Variants in ELAVL2 observed in about 807,000 individuals in gnomAD.
The protein encoded by ELAVL2 is ELAV-like protein 2.
Under a neutral mutation model 34.6 loss-of-function variants are expected in ELAVL2, and 4 were observed. The ratio of observed to expected loss-of-function variants is 0.12; its 90% CI spans 0.06 to 0.26. The LOEUF is 0.26. Ranked by LOEUF, ELAVL2 falls within the 10% of genes least tolerant of loss-of-function variation. The probability of loss-of-function intolerance (pLI) is 1.00; values close to 1 mark genes in which losing one functional copy is unlikely to be tolerated. For synonymous variants in ELAVL2, 193 were observed against 154.8 expected (o/e 1.25, Z -1.83); for missense variants, 432 against 442.8 (o/e 0.98, Z 0.22).
chr9:23,711,645 C>A (rs1174294335), intron 3 of ELAVL2, among the ~76,000 whole-genome samples: 1 of 152,188 alleles, frequency 6.6e-6, no homozygotes, highest in Non-Finnish European at 1.5e-5. Context: ...TCAGTCCTCT[C>A]CACTACAGTC....
chr9:23,696,530 G>T (rs1265149536), intron 5 of ELAVL2, among the ~76,000 whole-genome samples: 1 of 152,146 alleles, frequency 6.6e-6, no homozygotes, highest in African/African-American at 2.4e-5. Context: ...GTGCAGTGGC[G>T]TGATCTCGGC....
chr9:23,743,571 T>A (rs2049799748), intron 2 of ELAVL2, among the ~76,000 whole-genome samples: 1 of 152,138 alleles, frequency 6.6e-6, no homozygotes, highest in African/African-American at 2.4e-5. Flanking sequence ...TTAAAGTATA[T>A]TAAAAACGAA....
chr9:23,850,448 C>T, the ELAVL2 span, among the ~76,000 whole-genome samples: 1 of 152,244 alleles, frequency 6.6e-6, no homozygotes, highest in South Asian at 2.1e-4. Flanking sequence ...GCAGCCGAGG[C>T]TCCCGCGAGC....
intron 3 of ELAVL2, among the ~76,000 whole-genome samples, chr9:23,727,495 G>C (rs2045519362): frequency 6.6e-6 from 1 of 152,024 alleles, no homozygotes; most frequent in South Asian, 2.1e-4. Context: ...AAGACAAACT[G>C]AACTTTGCAC....
At chr9:23,778,840 C>T (rs191685775) in intron 1 of ELAVL2, among the ~76,000 whole-genome samples, 1 of 152,092 alleles carries the variant, frequency 6.6e-6, no homozygotes, top group Non-Finnish European at 1.5e-5. Context: ...ATATGACTGC[C>T]ACAGACATTC....
Position 23,701,858 on chromosome 9 carries a change from T to C in ELAVL2, c.488-254A>G, listed in dbSNP as rs149230514. 1.0e-3 allele frequency among the ~76,000 whole-genome samples: 154 copies of C among 152,280 alleles called. No homozygotes were observed. The Middle Eastern group carries it at 0.014, about 13-fold the overall frequency. ...GTACCCATTATCACATGCATTCCAA[T>C]CAGCTAAGACAAGAAAACACAAGCA... is the stretch of plus-strand genomic sequence containing the variant. On this transcript the variant is annotated intron_variant, in intron 4 of 6. Transcript: ENST00000397312.
chr9:23,696,365 G>A (rs771568473), intron 5 of ELAVL2, among the ~76,000 whole-genome samples: 47 of 152,194 alleles, frequency 3.1e-4, no homozygotes, highest in Non-Finnish European at 4.8e-4. Flanking sequence ...AACACAGGCA[G>A]TTGTAAGAGA....
At chr9:23,732,699 G>C (rs762854956) in intron 2 of ELAVL2, among the ~76,000 whole-genome samples, 1 of 152,170 alleles carries the variant, frequency 6.6e-6, no homozygotes, top group Non-Finnish European at 1.5e-5. Flanking sequence ...GCTTATAGTG[G>C]AAAGACAGAC....
chr9:23,723,464 GA>G (rs1196413074), intron 3 of ELAVL2, among the ~76,000 whole-genome samples: 2 of 151,870 alleles, frequency 1.3e-5, no homozygotes, highest in African/African-American at 4.8e-5. Context: ...ACCTAATGCT[GA>G]ATGACCAGTT....
intron 1 of ELAVL2, among the ~76,000 whole-genome samples, chr9:23,786,907 C>A (rs1018568390): frequency 1.3e-5 from 2 of 151,902 alleles, no homozygotes; most frequent in African/African-American, 4.8e-5. Context: ...AGTTCTGATG[C>A]TGTTTCTCTA....
intron 2 of ELAVL2, among the ~76,000 whole-genome samples, chr9:23,759,780 A>ATATATG (rs2054519152): frequency 7.2e-6 from 1 of 138,880 alleles, no homozygotes; most frequent in Non-Finnish European, 1.6e-5. Context: ...ATATATATAT[A>ATATATG]TATATATATA....
intron 2 of ELAVL2, among the ~76,000 whole-genome samples, chr9:23,732,095 A>G (rs1368706747): frequency 6.6e-6 from 1 of 152,228 alleles, no homozygotes; most frequent in East Asian, 1.9e-4. Flanking sequence ...AGTTTAGTCT[A>G]CAAAAGTCAA....
chr9:23,801,156 T>A (rs866802421), intron 1 of ELAVL2, among the ~76,000 whole-genome samples: 3 of 152,192 alleles, frequency 2.0e-5, no homozygotes, highest in Non-Finnish European at 4.4e-5. Flanking sequence ...TGTTTGGAAG[T>A]AGGTACACGC....
At chr9:23,827,528 T>A (rs2065360903), upstream of ELAVL2, among the ~76,000 whole-genome samples, 1 of 151,560 alleles carries the variant, frequency 6.6e-6, no homozygotes, top group Non-Finnish European at 1.5e-5. Context: ...TTACCATTCT[T>A]ACCAGAATGT....
chr9:23,695,995 A>C (rs763098692), intron 5 of ELAVL2, among the ~76,000 whole-genome samples: 7 of 152,098 alleles, frequency 4.6e-5, no homozygotes, highest in Non-Finnish European at 7.4e-5. Flanking sequence ...GGACCCTCCA[A>C]ATTATGATAG....
At chr9:23,845,636 C>G in the ELAVL2 span, among the ~76,000 whole-genome samples, 2 of 151,538 alleles carry the variant, frequency 1.3e-5, no homozygotes, top group Non-Finnish European at 3.0e-5. Context: ...TCTACTAGTA[C>G]TCTCATAGTA....
chr9:23,722,600 T>C (rs2044022341), intron 3 of ELAVL2, among the ~76,000 whole-genome samples: 1 of 152,184 alleles, frequency 6.6e-6, no homozygotes, highest in African/African-American at 2.4e-5. Flanking sequence ...GTTGGTTTAT[T>C]TAGAGTGGTA....
At chr9:23,732,142 C>A (rs571945270) in intron 2 of ELAVL2, among the ~76,000 whole-genome samples, 32 of 152,242 alleles carry the variant, frequency 2.1e-4, no homozygotes, top group African/African-American at 7.7e-4. Flanking sequence ...TGCCCAAGGA[C>A]GGTCCAAATG....
intron 3 of ELAVL2, among the ~76,000 whole-genome samples, chr9:23,724,925 T>C (rs1275690815): frequency 6.6e-6 from 1 of 152,144 alleles, no homozygotes; most frequent in Non-Finnish European, 1.5e-5. Flanking sequence ...ATCTCATAAG[T>C]AGGTCAGTTA....
Sources: allele counts gnomAD v4.1 joint callset (sites outside exome capture counted in the v4.1 genomes callset), GRCh38; gene constraint gnomAD v4.1.1; transcripts MANE v1.5; gene names NCBI Gene and HGNC (gene_info 2026-07-23, HGNC 2026-07-21).